The following OSBPL9 variants were observed in gnomAD, a reference collection of about 807,000 sequenced individuals.
The protein encoded by OSBPL9 is oxysterol-binding protein-related protein 9.
In OSBPL9, 40 loss-of-function variants were observed where a neutral mutation model predicts 106.6. The observed-to-expected ratio is 0.38, with a 90% CI of 0.29 to 0.49. The LOEUF is 0.49. Among genes scored for constraint, OSBPL9 ranks in the 20% least tolerant of loss-of-function variants. The pLI is 0.97. For missense variants in OSBPL9, 609 were observed against 887.2 expected, an observed-to-expected ratio of 0.69 and a Z score of 3.98; for synonymous variants, 269 against 295.4, an observed-to-expected ratio of 0.91 and a Z score of 0.92.
At chr1:51,778,102 T>G (rs1459692549) in intron 15 of OSBPL9, among the ~76,000 whole-genome samples, 1 of 152,138 alleles carries the variant, frequency 6.6e-6, no homozygotes, top group Non-Finnish European at 1.5e-5. Context: ...AGGCTGGGAC[T>G]GTGAGCTATA....
chr1:51,760,694 C>T lies in OSBPL9; in HGVS notation c.587C>T (p.Thr196Ile). 1 of 1,613,648 alleles carries T rather than the reference C, an allele frequency of 6.2e-7. No homozygotes were observed. Among genetic ancestry groups the T allele is most frequent in the Non-Finnish European group, 8.5e-7 (1 of 1,179,750 alleles). ...AEKHADGMIS[T>I]INPVDAIYQP... is the part of the protein sequence containing the mutation. ...TATTGTGTTTCTTTATTTTAGAGTA[C>T]TATTAATCCCGTAGATGCAATATAT... The change falls in exon 10 of 24, where the codon ACT (threonine) becomes ATT (isoleucine). Residue 196 changes from threonine (T) to isoleucine (I), a missense_variant. Around this residue, in one of 5 missense-constraint regions of OSBPL9, gnomAD observed 356 missense variants for 505.8 expected, o/e 0.70. Transcript: ENST00000428468.
intron 4 of OSBPL9, among the ~76,000 whole-genome samples, chr1:51,714,510 A>T (rs1246216380): frequency 2.0e-5 from 3 of 152,238 alleles, no homozygotes; most frequent in African/African-American, 7.2e-5. Context: ...TGGTAGTGAA[A>T]GAAAACTCAA....
intron 1 of OSBPL9, among the ~76,000 whole-genome samples, chr1:51,649,093 G>C (rs1002022187): frequency 6.6e-6 from 1 of 151,746 alleles, no homozygotes; most frequent in African/African-American, 2.4e-5. Flanking sequence ...CTTCTTTTCA[G>C]CCTCATTTTA....
At chr1:51,636,348 T>C (rs1645448950) in intron 1 of OSBPL9, among the ~76,000 whole-genome samples, 1 of 151,260 alleles carries the variant, frequency 6.6e-6, no homozygotes, top group Non-Finnish European at 1.5e-5. Context: ...TTTTTTTTTT[T>C]TTCCCTTTGA....
At chr1:51,682,422 A>G (rs889339347) in intron 3 of OSBPL9, among the ~76,000 whole-genome samples, 1 of 152,126 alleles carries the variant, frequency 6.6e-6, no homozygotes, top group African/African-American at 2.4e-5. Context: ...ACAGTTGCCA[A>G]GATATGGAGT....
chr1:51,714,049 A>C lies in OSBPL9; in HGVS notation c.288A>C (p.Glu96Asp). 6.2e-7 allele frequency: 1 copy of C among 1,610,262 alleles called. No individual in the cohort carries two copies. ...EREKWIHALE[E>D]TILRHTLQLQ... ...AGAAGTGGATCCATGCCTTAGAAGAAACAATTCTTCGACATACTCTCCAGC... is the reference window on the plus strand; with the variant it reads ...AGAAGTGGATCCATGCCTTAGAAGACACAATTCTTCGACATACTCTCCAGC... Residue 96 changes from glutamate (E) to aspartate (D), a missense_variant, in exon 4 of 24, where the codon GAA (glutamate) becomes GAC (aspartate). Glu to Asp is a conservative substitution (Grantham distance 45, BLOSUM62 2). Coordinates refer to ENST00000428468, the MANE Select transcript of OSBPL9 (RefSeq NM_024586.6).
chr1:51,691,949 A>G (rs1234180182), intron 3 of OSBPL9, among the ~76,000 whole-genome samples: 1 of 152,156 alleles, frequency 6.6e-6, no homozygotes, highest in Non-Finnish European at 1.5e-5. Flanking sequence ...TACCTCCTGA[A>G]GGACCTGCCT....
chr1:51,669,712 C>T (rs189465231), intron 3 of OSBPL9, 200 bp downstream of exon 3: 2 of 668,314 alleles, frequency 3.0e-6, no homozygotes, highest in East Asian at 5.8e-5. Context: ...TTTGAAACGA[C>T]TGTGGATCTG....
chr1:51,785,002 C>T (rs572323945), intron 20 of OSBPL9: 1 of 195,318 alleles, frequency 5.1e-6, no homozygotes, highest in African/African-American at 2.4e-5. Flanking sequence ...AAACAGTAAC[C>T]ATCACATTTT....
At position 51,789,139 on chromosome 1, in the gene OSBPL9, TG is replaced by T; in HGVS notation, c.*1352del. The T allele has an allele frequency of 8.6e-7, 1 of 1,159,874 alleles. No individual in the cohort carries two copies. The highest frequency in any genetic ancestry group is 1.3e-5 in the South Asian group (1 of 78,112). The allele number at this position is 1,159,874 out of a possible 1,614,324, so 71.8% of individuals were successfully genotyped here. On this transcript the variant is annotated 3_prime_UTR_variant, in exon 24 of 24. Transcript: ENST00000428468. ...CTATGATGCCAGTGCAAAACTTCAA[TG>T]GAAGCCCTAAGGCAGTAGTATAACT...
the OSBPL9 span, among the ~76,000 whole-genome samples, chr1:51,540,706 T>TC: frequency 5.4e-5 from 8 of 148,744 alleles, no homozygotes; most frequent in African/African-American, 2.0e-4. Context: ...ACGCCTGTAA[T>TC]CCAGCACTTT....
intron 12 of OSBPL9, 41 bp downstream of exon 12, chr1:51,766,022 G>T (rs758968447): frequency 2.0e-6 from 3 of 1,506,686 alleles, no homozygotes; most frequent in South Asian, 2.6e-5. Flanking sequence ...TGATTCTCCT[G>T]ATTTTTAAAA....
intron 3 of OSBPL9, among the ~76,000 whole-genome samples, chr1:51,684,913 CTTT>C (rs1215136847): frequency 3.3e-5 from 4 of 122,440 alleles, no homozygotes; most frequent in African/African-American, 6.4e-5. Context: ...TGCTCTTCTT[CTTT>C]TTTTTTTTTT....
chr1:51,755,391 A>T (rs977565787), intron 8 of OSBPL9, among the ~76,000 whole-genome samples: 2 of 152,176 alleles, frequency 1.3e-5, no homozygotes, highest in African/African-American at 4.8e-5. Flanking sequence ...TTCTATATAG[A>T]TTTTCTATAT....
At chr1:51,555,220 A>G in the OSBPL9 span, among the ~76,000 whole-genome samples, 1 of 152,096 alleles carries the variant, frequency 6.6e-6, no homozygotes, top group African/African-American at 2.4e-5. Context: ...GGCTGGGCGC[A>G]GTGGCTCACC....
At chr1:51,785,938 A>G (rs1200809159) in intron 21 of OSBPL9, 52 bp downstream of exon 21, 1 of 1,460,464 alleles carries the variant, frequency 6.8e-7, no homozygotes, top group Non-Finnish European at 9.5e-7. Flanking sequence ...ATTGTACTCT[A>G]TCCCTTTTTC....
chr1:51,564,097 G>GGAAAA, the OSBPL9 span, among the ~76,000 whole-genome samples: 128 of 119,634 alleles, frequency 1.1e-3, no homozygotes, highest in Non-Finnish European at 1.5e-3. Context: ...AGAGAAGAAA[G>GGAAAA]GAAAAGAAAA....
At chr1:51,712,999 T>C (rs1403703106) in intron 3 of OSBPL9, among the ~76,000 whole-genome samples, 2 of 152,228 alleles carry the variant, frequency 1.3e-5, no homozygotes, top group Admixed American at 1.3e-4. Context: ...TTAATTCTAG[T>C]TTATCACTAC....
chr1:51,593,904 TCACACACACACACACA>T lies in OSBPL9; in HGVS notation c.-422-4196_-422-4181del, dbSNP rs58936844. Among the ~76,000 whole-genome samples, 447 of 140,188 alleles carry T rather than the reference TCACACACACACACACA, an allele frequency of 3.2e-3. 4 individuals carry two copies. Among genetic ancestry groups the T allele is most frequent in the Non-Finnish European group, 2.7e-3 (172 of 64,820 alleles). 92.0% of individuals were successfully genotyped at this position (140,188 alleles called of 152,430 possible). A position where few individuals can be genotyped will look rare whatever the true frequency, so the allele number is the denominator to read the frequency against. On this transcript the variant is annotated intron_variant, in intron 1 of 25. Transcript: ENST00000371714. ...GCACCCTCAAATAATTAATCAGATT[TCACACACACACACACA>T]CACACACACACACACACACACACGA...
Sources: gnomAD v4.1 joint callset for allele counts (sites outside exome capture counted in the v4.1 genomes callset) on GRCh38, gnomAD v4.1.1 for gene constraint, gnomAD v4.1.1 regional missense constraint, MANE v1.5 for transcripts, NCBI Gene and HGNC (gene_info 2026-07-23, HGNC 2026-07-21) for gene names.